Variants in CCNY observed in about 807,000 individuals in gnomAD.
The protein encoded by CCNY is cyclin-Y.
CCNY carries 19 observed loss-of-function variants against 42.8 expected under a neutral mutation model. That is an observed-to-expected ratio of 0.44 (90% CI 0.31 to 0.65). The LOEUF is 0.65. Among genes scored for constraint, CCNY ranks in the 30% least tolerant of loss-of-function variants. The pLI is 0.07. For missense variants in CCNY, 370 were observed against 437.3 expected, an observed-to-expected ratio of 0.85 and a Z score of 1.37; for synonymous variants, 165 against 162.7, an observed-to-expected ratio of 1.01 and a Z score of -0.11.
chr10:35,480,790 G>A (rs761897491), intron 1 of CCNY, among the ~76,000 whole-genome samples: 2 of 151,996 alleles, frequency 1.3e-5, no homozygotes, highest in Non-Finnish European at 2.9e-5. Context: ...AACACAGTAA[G>A]ACTCTGTAGC....
intron 2 of CCNY, among the ~76,000 whole-genome samples, chr10:35,492,212 C>T (rs770852255): frequency 8.5e-5 from 13 of 152,374 alleles, no homozygotes; most frequent in Non-Finnish European, 1.8e-4. Context: ...CAGTGAGACA[C>T]CAGCACACAC....
rs184877727 is a variant in CCNY at position 35,551,491 on chromosome 10, A to G, written c.580-1528A>G. ...ATAACATTAATGGGTTTTATCTGCA[A>G]GTTCTTAAAAATAGCATGGATGGTG... On this transcript the variant is annotated intron_variant, in intron 7 of 9. Coordinates refer to ENST00000374704, the MANE Select transcript of CCNY (RefSeq NM_145012.6). 1.6e-4 allele frequency among the ~76,000 whole-genome samples: 25 copies of G among 152,284 alleles called. No homozygotes were observed. The East Asian group carries it at 4.6e-3, about 28-fold the overall frequency.
intron 1 of CCNY, among the ~76,000 whole-genome samples, chr10:35,451,494 T>C (rs1312817892): frequency 6.6e-6 from 1 of 152,258 alleles, no homozygotes; most frequent in African/African-American, 2.4e-5. Context: ...TATCTGAGTA[T>C]GGCCTGAAGG....
rs937872749 is a variant in CCNY, at chr10:35,570,329, A to T, written c.*1159A>T. The T allele has an allele frequency of 5.9e-5, 9 of 152,156 alleles. No individual in the cohort carries two copies. Among genetic ancestry groups the T allele is most frequent in the Non-Finnish European group, 7.4e-5 (5 of 67,962 alleles). The allele number at this position is 152,156 out of a possible 1,614,324, so 9.4% of individuals were successfully genotyped here. ...GTATTTTTCACAGAATGATTGAATT[A>T]AAAAAAACTCAACTTGCATTTTCAT... On this transcript the variant is annotated 3_prime_UTR_variant, in exon 10 of 10. Coordinates refer to ENST00000374704, the MANE Select transcript of CCNY (RefSeq NM_145012.6).
chr10:35,335,922 A>ACC (rs869194971), upstream of CCNY: 1 of 63,512 alleles, frequency 1.6e-5, no homozygotes, highest in African/African-American at 8.2e-5. Context: ...ACACACACAC[A>ACC]CACACCTTAG....
chr10:35,289,254 G>T (rs544356189), intron 3 of CCNY: 15 of 152,214 alleles, frequency 9.9e-5, no homozygotes, highest in Non-Finnish European at 1.6e-4. Flanking sequence ...AAATGATCCT[G>T]TTAATATCAC....
At chr10:35,303,598 A>G (rs533593648) in intron 3 of CCNY, among the ~76,000 whole-genome samples, 2 of 150,774 alleles carry the variant, frequency 1.3e-5, no homozygotes, top group African/African-American at 2.4e-5. Flanking sequence ...ACCAACATGG[A>G]GAAACCCCAT....
At position 35,486,210 on chromosome 10, in the gene CCNY, C is replaced by T. The variant is rs112938625; in HGVS notation, c.229+2732C>T. 3.4e-3 allele frequency among the ~76,000 whole-genome samples: 520 copies of T among 152,266 alleles called. 4 individuals carry two copies. Among genetic ancestry groups the T allele is most frequent in the African/African-American group, 0.012 (483 of 41,552 alleles). The stretch of plus-strand genomic sequence containing the variant: ...CTCTCCTCTTCTCACAGGTGGGCAG[C>T]GGTGCTGGAGATACATTTCTTCCCA... On this transcript the variant is annotated intron_variant, in intron 2 of 9. Coordinates refer to ENST00000374704, the MANE Select transcript of CCNY (RefSeq NM_145012.6).
intron 3 of CCNY, among the ~76,000 whole-genome samples, chr10:35,323,466 C>A (rs146789751): frequency 1.2e-3 from 188 of 152,272 alleles, no homozygotes; most frequent in African/African-American, 4.0e-3. Flanking sequence ...CAGAAATGAA[C>A]CACTCATTCA....
At chr10:35,441,963 A>G (rs1214703638) in intron 1 of CCNY, among the ~76,000 whole-genome samples, 2 of 152,260 alleles carry the variant, frequency 1.3e-5, no homozygotes, top group African/African-American at 4.8e-5. Flanking sequence ...CCATTGTTGT[A>G]AAGTCTGTAT....
chr10:35,298,897 C>A (rs1008088949), intron 3 of CCNY, among the ~76,000 whole-genome samples: 5 of 151,968 alleles, frequency 3.3e-5, no homozygotes, highest in African/African-American at 1.2e-4. Context: ...TGGTTGTTTC[C>A]AGTTTTTGAA....
At chr10:35,409,546 C>T (rs868695541) in intron 1 of CCNY, among the ~76,000 whole-genome samples, 5 of 151,960 alleles carry the variant, frequency 3.3e-5, no homozygotes, top group African/African-American at 1.2e-4. Flanking sequence ...GAGGTCTGGG[C>T]ATAGTGATGA....
chr10:35,561,832 A>G (rs899381606), intron 8 of CCNY, among the ~76,000 whole-genome samples: 1 of 152,232 alleles, frequency 6.6e-6, no homozygotes, highest in Non-Finnish European at 1.5e-5. Context: ...GCTGAAGAAC[A>G]CTGTACGACG....
chr10:35,537,908 G>A (rs1004406973), intron 7 of CCNY, among the ~76,000 whole-genome samples: 2 of 152,170 alleles, frequency 1.3e-5, no homozygotes, highest in African/African-American at 4.8e-5. Context: ...AGGGCCCGGG[G>A]TGGAATGATA....
chr10:35,437,242 G>A (rs1314888447), intron 1 of CCNY, among the ~76,000 whole-genome samples: 1 of 152,206 alleles, frequency 6.6e-6, no homozygotes, highest in African/African-American at 2.4e-5. Context: ...AACTGGGTTT[G>A]CAATGCCAGG....
intron 3 of CCNY, among the ~76,000 whole-genome samples, chr10:35,296,986 C>A (rs1213393747): frequency 2.0e-5 from 3 of 151,780 alleles, no homozygotes; most frequent in Non-Finnish European, 4.4e-5. Context: ...CAAAACCTGG[C>A]AAAACACAAC....
chr10:35,456,642 A>G (rs1211275304), intron 1 of CCNY, among the ~76,000 whole-genome samples: 2 of 152,166 alleles, frequency 1.3e-5, no homozygotes, highest in African/African-American at 2.4e-5. Flanking sequence ...GTTATGCATC[A>G]CATTTCCTTG....
At chr10:35,475,679 A>G (rs1372927567) in intron 1 of CCNY, among the ~76,000 whole-genome samples, 6 of 149,264 alleles carry the variant, frequency 4.0e-5, no homozygotes, top group Non-Finnish European at 5.9e-5. Context: ...AGCCGCTGCA[A>G]AATCATGCCA....
intron 4 of CCNY, among the ~76,000 whole-genome samples, chr10:35,524,639 C>G (rs910090286): frequency 2.0e-5 from 3 of 152,104 alleles, no homozygotes; most frequent in Non-Finnish European, 2.9e-5. Context: ...TTGGCCTCCT[C>G]AATACATTTT....
Sources: gnomAD v4.1 joint callset for allele counts (sites outside exome capture counted in the v4.1 genomes callset) on GRCh38, gnomAD v4.1.1 for gene constraint, MANE v1.5 for transcripts, NCBI Gene and HGNC (gene_info 2026-07-23, HGNC 2026-07-21) for gene names.